Variants in NR3C1 observed in about 807,000 individuals in gnomAD.
NR3C1 encodes glucocorticoid receptor.
A neutral mutation model predicts 74.0 loss-of-function variants in NR3C1; 14 were observed. The ratio of observed to expected loss-of-function variants is 0.19; its 90% confidence interval spans 0.12 to 0.30. The LOEUF (loss-of-function observed/expected upper bound fraction) is 0.30. Among genes scored for constraint, NR3C1 ranks in the 10% least tolerant of loss-of-function variants. The probability of loss-of-function intolerance (pLI) is 1.00; values close to 1 mark genes in which losing one functional copy is unlikely to be tolerated. For missense variants in NR3C1, 695 were observed against 909.8 expected, an observed-to-expected ratio of 0.76 and a Z score of 3.04; for synonymous variants, 308 against 332.5, an observed-to-expected ratio of 0.93 and a Z score of 0.80.
intron 1 of NR3C1, among the ~76,000 whole-genome samples, chr5:143,421,829 C>A (rs940617631): frequency 6.6e-6 from 1 of 151,990 alleles, no homozygotes; most frequent in Non-Finnish European, 1.5e-5. Context: ...TAATAAGCAG[C>A]AAATAAATGT....
At chr5:143,322,615 T>C (rs944478875) in intron 2 of NR3C1, among the ~76,000 whole-genome samples, 1 of 152,236 alleles carries the variant, frequency 6.6e-6, no homozygotes, top group African/African-American at 2.4e-5. Context: ...AGATATCTCA[T>C]ATTGCATAAT....
intron 1 of NR3C1, among the ~76,000 whole-genome samples, chr5:143,429,943 A>G (rs1021924861): frequency 1.2e-4 from 18 of 152,020 alleles, no homozygotes; most frequent in Admixed American, 1.1e-3. Context: ...TTAGATGGGC[A>G]TGGTGGCAGG....
At chr5:143,388,060 A>G (rs911062897) in intron 2 of NR3C1, among the ~76,000 whole-genome samples, 1 of 152,244 alleles carries the variant, frequency 6.6e-6, no homozygotes, top group Non-Finnish European at 1.5e-5. Flanking sequence ...GCCTTGAGCA[A>G]GCTTTTAACA....
chr5:143,314,289 C>T, intron 2 of NR3C1, 121 bp from the exon 3 acceptor site: 1 of 989,254 alleles, frequency 1.0e-6, no homozygotes, highest in Non-Finnish European at 1.6e-6. Context: ...CAAGTGCTAG[C>T]AGGCACTAAA....
At chr5:143,345,237 G>A (rs2151758930) in intron 2 of NR3C1, among the ~76,000 whole-genome samples, 1 of 152,298 alleles carries the variant, frequency 6.6e-6, no homozygotes, top group Middle Eastern at 3.4e-3. Flanking sequence ...TTGAGACAGA[G>A]TCTAGCTCTG....
intron 2 of NR3C1, among the ~76,000 whole-genome samples, chr5:143,361,888 T>C (rs536180127): frequency 6.6e-6 from 1 of 152,308 alleles, no homozygotes; most frequent in South Asian, 2.1e-4. Context: ...TTTAGATAAA[T>C]GGTAAAACAG....
At chr5:143,359,080 T>C (rs1295735256) in intron 2 of NR3C1, among the ~76,000 whole-genome samples, 2 of 152,152 alleles carry the variant, frequency 1.3e-5, no homozygotes, top group Non-Finnish European at 2.9e-5. Context: ...AAATGGAAGT[T>C]ATAAACAATA....
intron 2 of NR3C1, among the ~76,000 whole-genome samples, chr5:143,377,125 A>G (rs1835349896): frequency 6.6e-6 from 1 of 152,178 alleles, no homozygotes; most frequent in Admixed American, 6.5e-5. Flanking sequence ...AAATAGAAAT[A>G]CCCCTTACTC....
At chr5:143,323,009 GAC>G (rs926205749) in intron 2 of NR3C1, among the ~76,000 whole-genome samples, 1 of 152,188 alleles carries the variant, frequency 6.6e-6, no homozygotes, top group Non-Finnish European at 1.5e-5. Flanking sequence ...TTTCACTTTT[GAC>G]AGTTTCAGGT....
chr5:143,339,064 T>C (rs1056123508), intron 2 of NR3C1, among the ~76,000 whole-genome samples: 3 of 152,228 alleles, frequency 2.0e-5, no homozygotes, highest in African/African-American at 7.2e-5. Context: ...CTATACCATA[T>C]GGTCCAGGTG....
chr5:143,402,667 A>G, intron 1 of NR3C1: 1 of 985,222 alleles, frequency 1.0e-6, no homozygotes, highest in Non-Finnish European at 1.2e-6. Flanking sequence ...CGCAGTCTCC[A>G]AGTTGCGGGC....
intron 1 of NR3C1, among the ~76,000 whole-genome samples, chr5:143,412,858 A>G (rs1425966852): frequency 6.6e-6 from 1 of 152,178 alleles, no homozygotes; most frequent in Non-Finnish European, 1.5e-5. Flanking sequence ...AATGACTAAC[A>G]CTTTGAGGAT....
intron 7 of NR3C1, among the ~76,000 whole-genome samples, chr5:143,292,438 T>C (rs990803269): frequency 2.6e-5 from 4 of 152,146 alleles, no homozygotes; most frequent in Non-Finnish European, 5.9e-5. Flanking sequence ...AATCCTCTAT[T>C]TGCCTTTCCC....
chr5:143,306,874 ATTTTTTTTTTTTTTTTTTTTTTT>A (rs70991802), intron 4 of NR3C1, among the ~76,000 whole-genome samples: 15 of 82,904 alleles, frequency 1.8e-4, no homozygotes, highest in African/African-American at 5.6e-4. Context: ...GTATGCTTAA[ATTTTTTTTTTTTTTTTTTTTTTT>A]TTTTTTTTTT....
chr5:143,302,210 A>G (rs1818641312), intron 4 of NR3C1, among the ~76,000 whole-genome samples: 1 of 152,160 alleles, frequency 6.6e-6, no homozygotes, highest in Non-Finnish European at 1.5e-5. Context: ...AGAATTAAAT[A>G]TGTAAAATGC....
chr5:143,374,945 T>C (rs1156308815), intron 2 of NR3C1, among the ~76,000 whole-genome samples: 4 of 152,196 alleles, frequency 2.6e-5, no homozygotes, highest in African/African-American at 9.6e-5. Flanking sequence ...CTTGGGATGA[T>C]TACCATGAAG....
At chr5:143,321,281 T>C (rs1823310711) in intron 2 of NR3C1, among the ~76,000 whole-genome samples, 1 of 152,224 alleles carries the variant, frequency 6.6e-6, no homozygotes, top group Non-Finnish European at 1.5e-5. Context: ...TTTTATTCGA[T>C]TCTTAAAGAG....
At chr5:143,303,878 T>C (rs1046298726) in intron 4 of NR3C1, among the ~76,000 whole-genome samples, 5 of 152,162 alleles carry the variant, frequency 3.3e-5, no homozygotes, top group African/African-American at 1.2e-4. Context: ...CATCTCTTCA[T>C]GATAAAAACC....
chr5:143,279,347 G>T lies in NR3C1; in HGVS notation c.*2542C>A, dbSNP rs1812767713. On this transcript the variant is annotated 3_prime_UTR_variant, in exon 9 of 9. Coordinates refer to ENST00000394464, the MANE Select transcript of NR3C1 (RefSeq NM_000176.3). ...TTGAGTTCTATTTTTTGAGCGCCAA[G>T]ATTGTTGGGATGAAAATCAGATTAA... The T allele has an allele frequency of 6.5e-7, 1 of 1,549,416 alleles. No homozygotes were observed. Among genetic ancestry groups the T allele is most frequent in the African/African-American group, 1.4e-5 (1 of 73,052 alleles).
Sources: allele counts gnomAD v4.1 joint callset (sites outside exome capture counted in the v4.1 genomes callset), GRCh38; gene constraint gnomAD v4.1.1; transcripts MANE v1.5; gene names NCBI Gene and HGNC (gene_info 2026-07-23, HGNC 2026-07-21).